Variants in PTPRD observed in about 807,000 individuals in gnomAD.
PTPRD encodes receptor-type tyrosine-protein phosphatase delta.
A neutral mutation model predicts 214.5 loss-of-function variants in PTPRD; 34 were observed. The observed-to-expected ratio is 0.16, with a 90% CI of 0.12 to 0.21. The LOEUF (loss-of-function observed/expected upper bound fraction) is 0.21. PTPRD is among the 10% of genes least tolerant of loss of function. PTPRD has a pLI of 1.00. For synonymous variants in PTPRD, 1,128 were observed against 845.7 expected, an observed-to-expected ratio of 1.33 and a Z score of -5.79; for missense variants, 2,545 against 2,398.7, an observed-to-expected ratio of 1.06 and a Z score of -1.27.
At chr9:9,034,933 G>A (rs2099616767) in intron 10 of PTPRD, among the ~76,000 whole-genome samples, 1 of 152,074 alleles carries the variant, frequency 6.6e-6, no homozygotes, top group South Asian at 2.1e-4. Flanking sequence ...TCAGTGCCTG[G>A]TGCAGTCTGA....
chr9:8,526,976 A>G (rs879662001), intron 16 of PTPRD, among the ~76,000 whole-genome samples: 2 of 151,932 alleles, frequency 1.3e-5, no homozygotes, highest in Non-Finnish European at 2.9e-5. Context: ...AAACTATACA[A>G]TATTTTTAAA....
chr9:9,605,245 A>G (rs1048457756), intron 7 of PTPRD, among the ~76,000 whole-genome samples: 2 of 152,076 alleles, frequency 1.3e-5, no homozygotes, highest in African/African-American at 4.8e-5. Context: ...TTAGAAAACG[A>G]TTCAGTGTAC....
intron 8 of PTPRD, among the ~76,000 whole-genome samples, chr9:9,406,542 G>A (rs1177436818): frequency 6.6e-6 from 1 of 151,896 alleles, no homozygotes; most frequent in Non-Finnish European, 1.5e-5. Flanking sequence ...TTTATCCACT[G>A]TAGATCAGCC....
At chr9:8,833,073 A>G (rs1399742755) in intron 11 of PTPRD, among the ~76,000 whole-genome samples, 1 of 152,156 alleles carries the variant, frequency 6.6e-6, no homozygotes, top group Non-Finnish European at 1.5e-5. Context: ...AGAAATCTTA[A>G]TAACAGCATT....
chr9:9,619,382 G>C (rs966196619), intron 7 of PTPRD, among the ~76,000 whole-genome samples: 12 of 151,578 alleles, frequency 7.9e-5, no homozygotes, highest in Admixed American at 7.2e-4. Flanking sequence ...TATCACAGAA[G>C]GTGGCTAAAC....
intron 4 of PTPRD, among the ~76,000 whole-genome samples, chr9:9,949,558 A>G (rs1039661618): frequency 6.6e-6 from 1 of 152,094 alleles, no homozygotes; most frequent in African/African-American, 2.4e-5. Context: ...AATGCTACTC[A>G]CATACCAAAG....
intron 39 of PTPRD, among the ~76,000 whole-genome samples, chr9:8,361,786 G>A (rs2078557020): frequency 6.6e-6 from 1 of 151,296 alleles, no homozygotes; most frequent in African/African-American, 2.5e-5. Context: ...GTTTGAAAAT[G>A]ACCAAACTAA....
chr9:10,143,505 T>G (rs986554944), intron 3 of PTPRD, among the ~76,000 whole-genome samples: 3 of 152,132 alleles, frequency 2.0e-5, no homozygotes, highest in South Asian at 2.1e-4. Context: ...GTCTGGAAAT[T>G]TCTCAAAGAA....
At chr9:9,256,099 GA>G (rs1309486700) in intron 9 of PTPRD, among the ~76,000 whole-genome samples, 3 of 151,880 alleles carry the variant, frequency 2.0e-5, no homozygotes, top group Non-Finnish European at 2.9e-5. Flanking sequence ...TTAACAATAA[GA>G]AAAAAACTAG....
chr9:9,777,321 A>ACATG (rs989095871), intron 5 of PTPRD, among the ~76,000 whole-genome samples: 2 of 140,818 alleles, frequency 1.4e-5, no homozygotes, highest in African/African-American at 5.1e-5. Flanking sequence ...ATATGCACAT[A>ACATG]CATGCACACA....
chr9:8,513,781 T>A (rs1392033948), intron 21 of PTPRD, among the ~76,000 whole-genome samples: 2 of 152,120 alleles, frequency 1.3e-5, no homozygotes. Flanking sequence ...TTTTGGTAGG[T>A]GTCCACTAAT....
At chr9:9,584,687 A>C (rs1455874466) in intron 7 of PTPRD, among the ~76,000 whole-genome samples, 4 of 151,868 alleles carry the variant, frequency 2.6e-5, no homozygotes, top group Admixed American at 1.3e-4. Flanking sequence ...TCCTCCTCGC[A>C]GTTTTGCTTT....
intron 6 of PTPRD, among the ~76,000 whole-genome samples, chr9:9,765,744 T>A (rs2098701435): frequency 6.6e-6 from 1 of 152,216 alleles, no homozygotes; most frequent in Non-Finnish European, 1.5e-5. Flanking sequence ...CACTGCAAGC[T>A]TCACCTCCTG....
intron 8 of PTPRD, among the ~76,000 whole-genome samples, chr9:9,465,524 T>C (rs1198422825): frequency 1.3e-5 from 2 of 152,186 alleles, no homozygotes; most frequent in Non-Finnish European, 2.9e-5. Flanking sequence ...TAAGTAGCTA[T>C]ATCAGAATTC....
At chr9:9,044,434 A>C (rs1260133469) in intron 10 of PTPRD, among the ~76,000 whole-genome samples, 1 of 152,240 alleles carries the variant, frequency 6.6e-6, no homozygotes, top group Admixed American at 6.5e-5. Context: ...CTTTTGCAGC[A>C]AACTCAGTAA....
chr9:10,367,587 A>G (rs1449134346), intron 2 of PTPRD, among the ~76,000 whole-genome samples: 5 of 152,150 alleles, frequency 3.3e-5, no homozygotes, highest in African/African-American at 1.2e-4. Context: ...CAATGATTGT[A>G]AAAGTAAAAA....
At chr9:9,107,045 T>G (rs888906442) in intron 10 of PTPRD, among the ~76,000 whole-genome samples, 1 of 152,182 alleles carries the variant, frequency 6.6e-6, no homozygotes, top group Admixed American at 6.6e-5. Flanking sequence ...TTTAAGATTT[T>G]TATGTCTGAT....
intron 5 of PTPRD, among the ~76,000 whole-genome samples, chr9:9,826,281 G>T (rs1278277386): frequency 6.6e-6 from 1 of 151,640 alleles, no homozygotes; most frequent in Admixed American, 6.6e-5. Context: ...TTTCTGAAAT[G>T]ATTTTCTTTT....
chr9:9,657,663 G>C (rs987901712), intron 7 of PTPRD, among the ~76,000 whole-genome samples: 1 of 152,180 alleles, frequency 6.6e-6, no homozygotes, highest in East Asian at 1.9e-4. Context: ...TGTTGTTTAT[G>C]ACCGAATCTT....
Sources: gnomAD v4.1 joint callset for allele counts (sites outside exome capture counted in the v4.1 genomes callset) on GRCh38, gnomAD v4.1.1 for gene constraint, MANE v1.5 for transcripts, NCBI Gene and HGNC (gene_info 2026-07-23, HGNC 2026-07-21) for gene names.